LUZP2: variants seen among roughly 807,000 people sequenced by gnomAD.
LUZP2 encodes leucine zipper protein 2.
In LUZP2, 52 loss-of-function variants were observed where a neutral mutation model predicts 51.6. The ratio of observed to expected loss-of-function variants is 1.01; its 90% CI spans 0.81 to 1.27. The LOEUF is 1.27. Among genes scored for constraint, LUZP2 ranks in the 50% most tolerant of loss-of-function variants. The pLI, the probability that LUZP2 is intolerant of heterozygous loss-of-function variation, is 0.00. For missense variants in LUZP2, 436 were observed against 395.4 expected, an observed-to-expected ratio of 1.10 and a Z score of -0.87; for synonymous variants, 154 against 137.3, an observed-to-expected ratio of 1.12 and a Z score of -0.85.
chr11:24,825,473 T>G (rs549406870), intron 5 of LUZP2, among the ~76,000 whole-genome samples: 102 of 152,306 alleles, frequency 6.7e-4, no homozygotes, highest in Non-Finnish European at 1.2e-3. Context: ...TAATCTGGTC[T>G]TCAGTGTCTT....
intron 1 of LUZP2, among the ~76,000 whole-genome samples, chr11:24,532,471 G>A (rs964057882): frequency 6.6e-6 from 1 of 150,974 alleles, no homozygotes; most frequent in Non-Finnish European, 1.5e-5. Context: ...AACTGCCAGT[G>A]AGATGCTATG....
rs962565393 is a variant in LUZP2, at chr11:24,611,055, G to T, written c.62+113750G>T. ...AATGTACCTTACATGACATAGCTTT[G>T]TTTTTTTTTATTTTTATTTTTTGTT... On this transcript the variant is annotated intron_variant, in intron 1 of 11. Transcript: ENST00000336930. This position sits in a 1 kb window ranked among gnomAD's most constrained non-coding sequence, Gnocchi z 4.6. Among the ~76,000 whole-genome samples the T allele has an allele frequency of 1.7e-3, 258 of 151,066 alleles. 2 individuals are homozygous for T. Among genetic ancestry groups the T allele is most frequent in the Non-Finnish European group, 2.3e-3 (156 of 67,702 alleles).
At chr11:24,960,043 G>A (rs1020932032) in intron 7 of LUZP2, among the ~76,000 whole-genome samples, 3 of 152,112 alleles carry the variant, frequency 2.0e-5, no homozygotes, top group South Asian at 2.1e-4. Flanking sequence ...TTGATATGCT[G>A]GATTACATTT....
chr11:24,875,190 G>A (rs1852207067), intron 5 of LUZP2, among the ~76,000 whole-genome samples: 1 of 150,514 alleles, frequency 6.6e-6, no homozygotes, highest in Non-Finnish European at 1.5e-5. Flanking sequence ...CCATGCTGGT[G>A]TGCTGCACCC....
intron 1 of LUZP2, among the ~76,000 whole-genome samples, chr11:24,601,389 G>A (rs1853630259): frequency 6.6e-6 from 1 of 151,872 alleles, no homozygotes; most frequent in South Asian, 2.1e-4. Context: ...CTAAATTGGT[G>A]GAGTTAACAA....
At chr11:24,585,490 A>T (rs1237403431) in intron 1 of LUZP2, among the ~76,000 whole-genome samples, 1 of 152,144 alleles carries the variant, frequency 6.6e-6, no homozygotes, top group Non-Finnish European at 1.5e-5. Flanking sequence ...ATATTTTTCC[A>T]GCTTAGCTTT....
intron 9 of LUZP2, among the ~76,000 whole-genome samples, chr11:25,038,113 CTTT>C (rs1857921245): frequency 6.6e-6 from 1 of 151,876 alleles, no homozygotes; most frequent in African/African-American, 2.4e-5. Context: ...GTCCAAGTGG[CTTT>C]TTATCTCTCC....
intron 1 of LUZP2, among the ~76,000 whole-genome samples, chr11:24,726,369 T>A (rs947600792): frequency 6.6e-6 from 1 of 151,896 alleles, no homozygotes; most frequent in Non-Finnish European, 1.5e-5. Context: ...TAGGCTAGAA[T>A]AGCTGATAGG....
chr11:24,766,695 A>G (rs1289978715), intron 5 of LUZP2, among the ~76,000 whole-genome samples: 1 of 142,498 alleles, frequency 7.0e-6, no homozygotes, highest in Non-Finnish European at 1.5e-5. Context: ...AATCCTGAAT[A>G]TAAAGCTTCA....
At chr11:24,500,653 C>T (rs1312751546) in intron 1 of LUZP2, among the ~76,000 whole-genome samples, 1 of 152,094 alleles carries the variant, frequency 6.6e-6, no homozygotes, top group Non-Finnish European at 1.5e-5. Context: ...TGGTTATACT[C>T]TTGATGCCTT....
chr11:24,667,033 A>T (rs546051689), intron 1 of LUZP2, among the ~76,000 whole-genome samples: 60 of 152,326 alleles, frequency 3.9e-4, no homozygotes, highest in African/African-American at 1.4e-3. Context: ...TTGTGAAAAT[A>T]TAATAACTTA....
intron 7 of LUZP2, among the ~76,000 whole-genome samples, chr11:24,939,091 A>C (rs562180201): frequency 2.7e-4 from 41 of 151,890 alleles, no homozygotes; most frequent in Non-Finnish European, 2.5e-4. Flanking sequence ...TTAATTTTAA[A>C]ATTCTGTAGA....
chr11:24,526,272 A>C lies in LUZP2; in HGVS notation c.62+28967A>C, dbSNP rs997759808. Among the ~76,000 whole-genome samples, 86 of 151,314 alleles carry C rather than the reference A, an allele frequency of 5.7e-4. 1 individual carries two copies. The East Asian group carries it at 0.013, about 22-fold the overall frequency. On this transcript the variant is annotated intron_variant, in intron 1 of 11. Transcript: ENST00000336930. Reference sequence around the variant, plus strand: ...ACTCATGACACTAGGGGGCAAAAAAAAAAAAAGCTCAAGAGTGCATATTAC... The same window carrying C: ...ACTCATGACACTAGGGGGCAAAAAACAAAAAAGCTCAAGAGTGCATATTAC...
intron 1 of LUZP2, among the ~76,000 whole-genome samples, chr11:24,636,068 T>G (rs1379040237): frequency 6.6e-6 from 1 of 152,154 alleles, no homozygotes; most frequent in Non-Finnish European, 1.5e-5. Flanking sequence ...CTCAGTTACC[T>G]GTAAAAAATA....
chr11:25,064,933 T>C (rs1858955966), intron 10 of LUZP2, among the ~76,000 whole-genome samples: 1 of 152,082 alleles, frequency 6.6e-6, no homozygotes, highest in Admixed American at 6.6e-5. Context: ...TCTCTAGATA[T>C]TGAGGTTTAA....
At chr11:24,555,668 T>G (rs1358653741) in intron 1 of LUZP2, among the ~76,000 whole-genome samples, 1 of 152,146 alleles carries the variant, frequency 6.6e-6, no homozygotes, top group Non-Finnish European at 1.5e-5. Flanking sequence ...CTTCAATCAT[T>G]GTTCTAAGAA....
At chr11:24,633,116 T>A (rs1205590300) in intron 1 of LUZP2, among the ~76,000 whole-genome samples, 1 of 152,018 alleles carries the variant, frequency 6.6e-6, no homozygotes, top group African/African-American at 2.4e-5. Context: ...GTTGCCTTCA[T>A]GATGACCATA....
chr11:24,879,682 T>A (rs1418252094), intron 5 of LUZP2, among the ~76,000 whole-genome samples: 1 of 152,198 alleles, frequency 6.6e-6, no homozygotes, highest in Non-Finnish European at 1.5e-5. Flanking sequence ...ATGTTGAGCT[T>A]TTTTTCCATA....
At chr11:24,524,954 A>G (rs1011316132) in intron 1 of LUZP2, among the ~76,000 whole-genome samples, 2 of 151,664 alleles carry the variant, frequency 1.3e-5, no homozygotes, top group Non-Finnish European at 3.0e-5. Flanking sequence ...GGCTAGGAGT[A>G]AGAAATGCAG....
Sources: gnomAD v4.1 joint callset for allele counts (sites outside exome capture counted in the v4.1 genomes callset) on GRCh38, gnomAD v4.1.1 for gene constraint, Gnocchi (gnomAD v3.1) non-coding constraint, MANE v1.5 for transcripts, NCBI Gene and HGNC (gene_info 2026-07-23, HGNC 2026-07-21) for gene names.